The following KIAA1217 variants were observed in gnomAD, a reference collection of about 807,000 sequenced individuals.
KIAA1217 encodes sickle tail protein homolog.
KIAA1217 carries 88 observed loss-of-function variants against 163.9 expected under a neutral mutation model. The observed-to-expected ratio is 0.54, with a 90% confidence interval of 0.45 to 0.64. The LOEUF is 0.64. Among genes scored for constraint, KIAA1217 ranks in the 30% least tolerant of loss-of-function variants. The pLI is 0.00. For synonymous variants in KIAA1217, 903 were observed against 923.1 expected (o/e 0.98, Z 0.39); for missense variants, 2,372 against 2,475.0 (o/e 0.96, Z 0.88).
At chr10:24,402,519 A>AC (rs1426621475) in intron 3 of KIAA1217, among the ~76,000 whole-genome samples, 44 of 141,974 alleles carry the variant, frequency 3.1e-4, no homozygotes, top group Admixed American at 7.0e-4. Flanking sequence ...AAAAAAACAA[A>AC]AAACAAAACA....
rs143110102 is a variant in KIAA1217 at position 24,071,495 on chromosome 10, T to TA, written c.-171+64131dup. ...GAAAAAGAAGAGAATAGGGTTAATT[T>TA]AAAAAAAAAAGAACTCTTTCTTTAC... On this transcript the variant is annotated intron_variant, in intron 2 of 18. Transcript: ENST00000376462. Among the ~76,000 whole-genome samples, 565 of 149,310 alleles carry TA rather than the reference T, an allele frequency of 3.8e-3. 2 individuals carry two copies. The highest frequency in any genetic ancestry group is 0.013 in the East Asian group (66 of 5,136).
chr10:24,488,462 A>T (rs981022854), intron 6 of KIAA1217, among the ~76,000 whole-genome samples: 1 of 152,188 alleles, frequency 6.6e-6, no homozygotes, highest in Non-Finnish European at 1.5e-5. Context: ...TGCCATAAGC[A>T]CAGGGCCCGG....
At chr10:24,027,044 C>T (rs887777161) in intron 2 of KIAA1217, among the ~76,000 whole-genome samples, 49 of 151,826 alleles carry the variant, frequency 3.2e-4, no homozygotes, top group Non-Finnish European at 8.8e-5. Context: ...GTTTAACTTC[C>T]AAATATTTGG....
chr10:24,316,701 T>C lies in KIAA1217; in HGVS notation c.355-64168T>C, dbSNP rs571388935. Reference sequence around the variant, plus strand: ...AGACTACAGGATACCCCATCCCATTTCTGTCCTCTGTCCTTCATCCAAGGT... The same window carrying C: ...AGACTACAGGATACCCCATCCCATTCCTGTCCTCTGTCCTTCATCCAAGGT... On this transcript the variant is annotated intron_variant, in intron 2 of 20. Transcript: ENST00000376454. Among the ~76,000 whole-genome samples the C allele has an allele frequency of 2.0e-5, 3 of 152,064 alleles. No individual in the cohort carries two copies. In the East Asian group the frequency reaches 5.8e-4, roughly 29 times the overall value.
intron 2 of KIAA1217, among the ~76,000 whole-genome samples, chr10:24,351,224 A>G (rs531128520): frequency 6.6e-6 from 1 of 152,362 alleles, no homozygotes; most frequent in East Asian, 1.9e-4. Context: ...CTGGGATTAC[A>G]GGTGCAAGCC....
At position 24,520,227 on chromosome 10, in the gene KIAA1217, T is replaced by C; in HGVS notation, c.2282T>C (p.Val761Ala). ...GACGGGGCTTTCCTCCTGCGTCAAG[T>C]GGGAGAGGCTGTAGCTACCCTGAAA... ...VEDGAFLLRQVGEAVATLKGE... is the reference protein window; with the variant it reads ...VEDGAFLLRQAGEAVATLKGE... The change falls in exon 11 of 21, where the codon GTG becomes GCG. Residue 761 changes from valine to alanine, a missense_variant. Coordinates refer to ENST00000376454, the MANE Select transcript of KIAA1217 (RefSeq NM_019590.5). 6 of 1,614,104 alleles carry C rather than the reference T, an allele frequency of 3.7e-6. No individual in the cohort carries two copies. Among genetic ancestry groups the C allele is most frequent in the Non-Finnish European group, 5.1e-6 (6 of 1,180,012 alleles).
At chr10:24,205,936 C>T (rs933622976), upstream of KIAA1217, among the ~76,000 whole-genome samples, 2 of 152,196 alleles carry the variant, frequency 1.3e-5, no homozygotes, top group Admixed American at 6.5e-5. Context: ...GCGTTATCAA[C>T]ACCAATAATG....
At chr10:23,780,725 G>C (rs1439310983) in intron 1 of KIAA1217, among the ~76,000 whole-genome samples, 1 of 152,010 alleles carries the variant, frequency 6.6e-6, no homozygotes, top group Admixed American at 6.5e-5. Flanking sequence ...TTGTTGCCCA[G>C]GCTGGAGTGC....
chr10:24,357,633 T>C (rs1443410480), intron 2 of KIAA1217, among the ~76,000 whole-genome samples: 1 of 152,194 alleles, frequency 6.6e-6, no homozygotes, highest in Non-Finnish European at 1.5e-5. Flanking sequence ...TGCAAGCTCT[T>C]TTTTTCTTGG....
At chr10:23,758,383 T>C (rs1001726027) in intron 1 of KIAA1217, among the ~76,000 whole-genome samples, 1 of 152,230 alleles carries the variant, frequency 6.6e-6, no homozygotes, top group Non-Finnish European at 1.5e-5. Flanking sequence ...CAAGGGTTTA[T>C]TTCTGGACTC....
chr10:23,695,245 C>T lies in KIAA1217; in HGVS notation c.-321+11C>T, dbSNP rs958343774. 1.3e-5 allele frequency: 2 copies of T among 152,580 alleles called. No individual in the cohort carries two copies. The highest frequency in any genetic ancestry group is 1.9e-4 in the East Asian group (1 of 5,160). The allele number at this position is 152,580 out of a possible 1,614,324, so 9.5% of individuals were successfully genotyped here. A position where few individuals can be genotyped will look rare whatever the true frequency, so the allele number is the denominator to read the frequency against. ...CAGCCTCGGCCCGAAGTAAGTGCAGCAGAAGTTTGCGTCGGTTGCCCCGCC... is the reference window on the plus strand; with the variant it reads ...CAGCCTCGGCCCGAAGTAAGTGCAGTAGAAGTTTGCGTCGGTTGCCCCGCC... On this transcript the variant is annotated intron_variant, in intron 1 of 18. Coordinates refer to the KIAA1217 transcript ENST00000376462. The surrounding 1 kb of genome is among the most constrained non-coding windows in gnomAD (Gnocchi z 4.9).
At chr10:24,394,476 T>C (rs2130892316) in intron 3 of KIAA1217, among the ~76,000 whole-genome samples, 1 of 152,266 alleles carries the variant, frequency 6.6e-6, no homozygotes, top group South Asian at 2.1e-4. Flanking sequence ...TCTCCATTCA[T>C]GTGTTTATTA....
At chr10:24,138,293 T>C (rs543586465) in intron 2 of KIAA1217, among the ~76,000 whole-genome samples, 1 of 152,232 alleles carries the variant, frequency 6.6e-6, no homozygotes, top group East Asian at 1.9e-4. Context: ...TAACTGGGAC[T>C]ACAGGTGCAC....
At chr10:24,017,634 G>T (rs891832730) in intron 2 of KIAA1217, among the ~76,000 whole-genome samples, 6 of 151,960 alleles carry the variant, frequency 3.9e-5, no homozygotes, top group South Asian at 4.1e-4. Flanking sequence ...TACCTAAAAA[G>T]CTGGATAAAA....
chr10:24,224,164 C>T (rs988969764), intron 2 of KIAA1217, among the ~76,000 whole-genome samples: 7 of 152,048 alleles, frequency 4.6e-5, no homozygotes, highest in Non-Finnish European at 7.4e-5. Context: ...TAGCTGTGAT[C>T]GTTAAGGACT....
At chr10:24,182,893 G>T (rs2066248628) in intron 2 of KIAA1217, among the ~76,000 whole-genome samples, 1 of 152,186 alleles carries the variant, frequency 6.6e-6, no homozygotes, top group Non-Finnish European at 1.5e-5. Flanking sequence ...GTTTCAACAT[G>T]ATTTGTTTCT....
chr10:24,005,388 GCAATTGATTA>G (rs1377399015), intron 1 of KIAA1217, among the ~76,000 whole-genome samples: 1 of 152,086 alleles, frequency 6.6e-6, no homozygotes, highest in African/African-American at 2.4e-5. Flanking sequence ...GGACAGTCAG[GCAATTGATTA>G]CTATTACCAT....
intron 15 of KIAA1217, among the ~76,000 whole-genome samples, chr10:24,532,439 A>C (rs2073262150): frequency 6.6e-6 from 1 of 152,224 alleles, no homozygotes; most frequent in Non-Finnish European, 1.5e-5. Context: ...AAAGAGATGC[A>C]GTATGGGAGG....
At chr10:24,075,331 A>G (rs2061335940) in intron 2 of KIAA1217, among the ~76,000 whole-genome samples, 2 of 152,094 alleles carry the variant, frequency 1.3e-5, no homozygotes, top group Non-Finnish European at 2.9e-5. Context: ...CAACTCTTTA[A>G]GAGCTATTTC....
Sources: allele counts gnomAD v4.1 joint callset (sites outside exome capture counted in the v4.1 genomes callset), GRCh38; gene constraint gnomAD v4.1.1; non-coding constraint Gnocchi (gnomAD v3.1); transcripts MANE v1.5; gene names NCBI Gene and HGNC (gene_info 2026-07-23, HGNC 2026-07-21).